SERPINI1: variants seen among roughly 807,000 people sequenced by gnomAD.
SERPINI1 encodes the protein serpin family I member 1.
In SERPINI1, 19 loss-of-function variants were observed where a neutral mutation model predicts 41.1. That is an observed-to-expected ratio of 0.46 (90% CI 0.32 to 0.68). The LOEUF is 0.68. SERPINI1 is among the 30% of genes least tolerant of loss of function. The pLI, the probability that SERPINI1 is intolerant of heterozygous loss-of-function variation, is 0.03. For synonymous variants in SERPINI1, 138 were observed against 156.6 expected (o/e 0.88, Z 0.89); for missense variants, 460 against 479.2 (o/e 0.96, Z 0.37).
intron 6 of SERPINI1, among the ~76,000 whole-genome samples, chr3:167,809,189 G>A (rs1310121414): frequency 1.4e-4 from 22 of 152,152 alleles, no homozygotes; most frequent in Non-Finnish European, 2.9e-4. Context: ...ATATAATGTG[G>A]TATCTGTACC....
intron 6 of SERPINI1, among the ~76,000 whole-genome samples, chr3:167,816,280 A>C (rs2108571838): frequency 6.6e-6 from 1 of 152,158 alleles, no homozygotes; most frequent in Middle Eastern, 3.4e-3. Context: ...GATCAGCCCC[A>C]AGCGATCAGC....
chr3:167,751,680 A>C (rs1488137178), intron 1 of SERPINI1, among the ~76,000 whole-genome samples: 1 of 151,962 alleles, frequency 6.6e-6, no homozygotes, highest in African/African-American at 2.4e-5. Context: ...CAGGCTGTCA[A>C]CTCAACTGTC....
intron 1 of SERPINI1, among the ~76,000 whole-genome samples, chr3:167,775,100 A>T (rs1371666836): frequency 2.0e-5 from 3 of 152,082 alleles, no homozygotes; most frequent in South Asian, 4.2e-4. Context: ...GTTCATTATC[A>T]AGATAAGTTT....
At chr3:167,791,759 T>C (rs1018648971) in intron 3 of SERPINI1, among the ~76,000 whole-genome samples, 1 of 152,236 alleles carries the variant, frequency 6.6e-6, no homozygotes, top group Admixed American at 6.5e-5. Context: ...AATTGGTATA[T>C]TGGCAGAATG....
intron 5 of SERPINI1, among the ~76,000 whole-genome samples, chr3:167,797,204 T>A (rs1727745028): frequency 6.6e-6 from 1 of 152,140 alleles, no homozygotes. Flanking sequence ...TTAATGTGAT[T>A]GTTTACTCCT....
At chr3:167,744,827 AATATATATATTATATATAACTATAGTTAT>A (rs1725812687) in intron 1 of SERPINI1, among the ~76,000 whole-genome samples, 1 of 123,342 alleles carries the variant, frequency 8.1e-6, no homozygotes, top group Admixed American at 9.3e-5. Context: ...TTATATATAT[AATATATATATTATATATAACTATAGTTAT>A]ATATATATAT....
chr3:167,808,010 C>T (rs1451422011), intron 6 of SERPINI1, among the ~76,000 whole-genome samples: 4 of 151,640 alleles, frequency 2.6e-5, no homozygotes, highest in Non-Finnish European at 5.9e-5. Context: ...CCTAGCTACT[C>T]GGGAGGCTGA....
intron 8 of SERPINI1, 63 bp downstream of exon 8, chr3:167,824,625 G>A (rs1418233158): frequency 2.4e-5 from 26 of 1,084,966 alleles, no homozygotes; most frequent in Admixed American, 7.1e-5. Flanking sequence ...TTTTTAAATG[G>A]AGATTTTTTT....
chr3:167,770,028 CTTT>C (rs34233842), intron 1 of SERPINI1, among the ~76,000 whole-genome samples: 2 of 130,876 alleles, frequency 1.5e-5, no homozygotes, highest in African/African-American at 5.6e-5. Flanking sequence ...GGCATGTTTA[CTTT>C]TTTTTTTTTT....
chr3:167,776,262 C>T (rs1178531170), intron 1 of SERPINI1, among the ~76,000 whole-genome samples: 1 of 152,322 alleles, frequency 6.6e-6, no homozygotes, highest in East Asian at 1.9e-4. Flanking sequence ...TTTAGCTCTC[C>T]TGACATTAAT....
At chr3:167,771,505 G>A (rs1381542950) in intron 1 of SERPINI1, among the ~76,000 whole-genome samples, 1 of 152,164 alleles carries the variant, frequency 6.6e-6, no homozygotes, top group African/African-American at 2.4e-5. Flanking sequence ...GATAACTTTG[G>A]TTGGTTTCAC....
chr3:167,795,633 A>G (rs964950026), intron 5 of SERPINI1, among the ~76,000 whole-genome samples: 2 of 152,098 alleles, frequency 1.3e-5, no homozygotes, highest in Non-Finnish European at 2.9e-5. Context: ...ACCTGGAGCA[A>G]GTTACCCTCA....
chr3:167,738,239 A>G (rs941772734), intron 1 of SERPINI1, among the ~76,000 whole-genome samples: 9 of 152,216 alleles, frequency 5.9e-5, no homozygotes, highest in Non-Finnish European at 8.8e-5. Context: ...GAAAAGCAAC[A>G]GAGTGCAGAA....
intron 5 of SERPINI1, 29 bp from the exon 6 acceptor site, chr3:167,807,215 A>G (rs767531666): frequency 7.0e-7 from 1 of 1,424,254 alleles, no homozygotes; most frequent in South Asian, 1.1e-5. Flanking sequence ...TGCTCTAACT[A>G]AATATTTTTC....
intron 1 of SERPINI1, among the ~76,000 whole-genome samples, chr3:167,746,222 A>C (rs1248828080): frequency 6.6e-6 from 1 of 152,184 alleles, no homozygotes; most frequent in Admixed American, 6.5e-5. Flanking sequence ...AGGCAACTGG[A>C]TATCTACATG....
At chr3:167,772,893 T>TACAC (rs71176658) in intron 1 of SERPINI1, among the ~76,000 whole-genome samples, 32 of 52,208 alleles carry the variant, frequency 6.1e-4, no homozygotes, top group East Asian at 2.7e-3. Flanking sequence ...TATATATATA[T>TACAC]ACACACACAC....
chr3:167,754,722 A>C (rs1321281186), intron 1 of SERPINI1, among the ~76,000 whole-genome samples: 3 of 152,230 alleles, frequency 2.0e-5, no homozygotes, highest in African/African-American at 7.2e-5. Context: ...TGGTTATAGC[A>C]GAACTGCCAC....
chr3:167,793,808 A>G (rs984229543), intron 4 of SERPINI1, among the ~76,000 whole-genome samples: 3 of 146,410 alleles, frequency 2.0e-5, no homozygotes, highest in East Asian at 2.0e-4. Context: ...TACTGTGTGT[A>G]TATATATATA....
Position 167,737,844 on chromosome 3 carries a change from A to C in SERPINI1, c.-19+2021A>C, listed in dbSNP as rs558093954. Among the ~76,000 whole-genome samples the C allele has an allele frequency of 7.9e-5, 12 of 152,230 alleles. No homozygotes were observed. The South Asian group carries it at 2.5e-3, about 32-fold the overall frequency. ...GCTCTGAGACACGGTAAAGGATAGA[A>C]TCTGATTAGGAATGAATGAGTTTGT... On this transcript the variant is annotated intron_variant, in intron 1 of 8. Transcript: ENST00000446050.
Sources: allele counts gnomAD v4.1 joint callset (sites outside exome capture counted in the v4.1 genomes callset), GRCh38; gene constraint gnomAD v4.1.1; transcripts MANE v1.5; gene names NCBI Gene and HGNC (gene_info 2026-07-23, HGNC 2026-07-21).